Variants in SPATA13 observed in about 807,000 individuals in gnomAD.
The protein encoded by SPATA13 is spermatogenesis associated 13, also known as spermatogenesis-associated protein 13.
A neutral mutation model predicts 104.0 loss-of-function variants in SPATA13; 50 were observed. The observed-to-expected ratio is 0.48, with a 90% CI of 0.38 to 0.61. SPATA13 has a LOEUF of 0.61. Ranked by LOEUF, SPATA13 falls within the 20% of genes least tolerant of loss-of-function variation. The pLI is 0.00. For missense variants in SPATA13, 1,524 were observed against 1,690.6 expected (o/e 0.90, Z 1.73); for synonymous variants, 606 against 667.5 (o/e 0.91, Z 1.42).
intron 1 of SPATA13, among the ~76,000 whole-genome samples, chr13:24,177,380 A>G (rs1001560821): frequency 6.6e-6 from 1 of 152,212 alleles, no homozygotes; most frequent in Non-Finnish European, 1.5e-5. Flanking sequence ...GTGCCAGCAA[A>G]TTCACTGTCG....
intron 4 of SPATA13, chr13:24,271,016 C>G (rs1345878996): frequency 4.0e-6 from 3 of 750,454 alleles, no homozygotes; most frequent in Non-Finnish European, 7.1e-6. Flanking sequence ...TCTCCACTCT[C>G]TCTCACTCTC....
At chr13:24,091,995 C>T (rs1879926097) in intron 3 of SPATA13, among the ~76,000 whole-genome samples, 1 of 152,134 alleles carries the variant, frequency 6.6e-6, no homozygotes, top group South Asian at 2.1e-4. Flanking sequence ...GTTGAAATGC[C>T]ACAAAATCAC....
In SPATA13 at chr13:24,221,252, T is replaced by G. The variant is rs1362304810; in HGVS notation, c.-111-1567T>G. Reference sequence around the variant, plus strand: ...TGGTTGTCTGAAAAATGCAAGTCATTCTGTGACCTCTTAGGTTTCTGTGTG... The same window carrying G: ...TGGTTGTCTGAAAAATGCAAGTCATGCTGTGACCTCTTAGGTTTCTGTGTG... On this transcript the variant is annotated intron_variant, in intron 1 of 12. Coordinates refer to ENST00000382108, the MANE Select transcript of SPATA13 (RefSeq NM_001166271.3). Among the ~76,000 whole-genome samples, 6 of 152,308 alleles carry G rather than the reference T, an allele frequency of 3.9e-5. No individual in the cohort carries two copies. The East Asian group carries it at 7.7e-4, about 20-fold the overall frequency.
chr13:24,161,000 G>A, intron 1 of SPATA13, 68 bp downstream of exon 1: 1 of 928,858 alleles, frequency 1.1e-6, no homozygotes, highest in Non-Finnish European at 1.3e-6. Flanking sequence ...TAGAATATCG[G>A]GAGGATTTGA....
chr13:24,032,314 C>G (rs889253914), intron 3 of SPATA13, among the ~76,000 whole-genome samples: 1 of 152,206 alleles, frequency 6.6e-6, no homozygotes, highest in South Asian at 2.1e-4. Context: ...TATGGCAATA[C>G]CACATAGCAG....
At chr13:24,149,127 G>A (rs1454366628) in intron 3 of SPATA13, among the ~76,000 whole-genome samples, 3 of 152,210 alleles carry the variant, frequency 2.0e-5, no homozygotes, top group South Asian at 4.1e-4. Context: ...TGAAAGAGGC[G>A]TCCTGTCTGC....
chr13:24,028,905 C>G (rs1045430878), intron 3 of SPATA13, among the ~76,000 whole-genome samples: 1 of 151,890 alleles, frequency 6.6e-6, no homozygotes, highest in Non-Finnish European at 1.5e-5. Context: ...GCTTCAATTT[C>G]CCCTGTTTTT....
chr13:23,990,003 T>C (rs1429956748), intron 2 of SPATA13, among the ~76,000 whole-genome samples: 2 of 152,134 alleles, frequency 1.3e-5, no homozygotes, highest in Non-Finnish European at 2.9e-5. Flanking sequence ...ATATCTGTTG[T>C]TTATAAGCCA....
intron 2 of SPATA13, among the ~76,000 whole-genome samples, chr13:23,998,928 G>GT (rs10649768): frequency 1.1e-3 from 159 of 147,400 alleles, no homozygotes; most frequent in African/African-American, 1.5e-3. Context: ...ACTAACTTTG[G>GT]TTTTTTTTTT....
intron 4 of SPATA13, among the ~76,000 whole-genome samples, chr13:24,259,936 G>A (rs144939850): frequency 3.6e-4 from 55 of 152,238 alleles, no homozygotes; most frequent in African/African-American, 9.6e-4. Flanking sequence ...CACCACACCC[G>A]GCCTGAGTTG....
chr13:24,302,459 CAAAAAAAAAAAAAAAAAA>C, intron 12 of SPATA13, 121 bp from the exon 13 acceptor site: 3 of 192,758 alleles, frequency 1.6e-5, no homozygotes, highest in East Asian at 8.7e-5. Flanking sequence ...GACCCTGTCT[CAAAAAAAAAAAAAAAAAA>C]AAAAAAAAAA....
chr13:24,141,302 G>C (rs1346963802), intron 3 of SPATA13, among the ~76,000 whole-genome samples: 1 of 152,154 alleles, frequency 6.6e-6, no homozygotes, highest in African/African-American at 2.4e-5. Context: ...GCAACATAGT[G>C]AGACCCAGAT....
chr13:24,211,207 CTATT>C (rs1236255757), intron 1 of SPATA13, among the ~76,000 whole-genome samples: 1 of 152,130 alleles, frequency 6.6e-6, no homozygotes, highest in Non-Finnish European at 1.5e-5. Flanking sequence ...TTCAAACAGA[CTATT>C]TAACTTCTTC....
At chr13:24,142,189 C>T (rs1343457218) in intron 3 of SPATA13, among the ~76,000 whole-genome samples, 18 of 151,774 alleles carry the variant, frequency 1.2e-4, no homozygotes, top group Admixed American at 1.3e-4. Context: ...CCCCCTCCCC[C>T]GCCAATATTA....
intron 1 of SPATA13, among the ~76,000 whole-genome samples, chr13:24,197,070 A>T (rs578121127): frequency 1.4e-4 from 22 of 152,312 alleles, no homozygotes; most frequent in African/African-American, 4.8e-4. Context: ...AATAACAACC[A>T]GAGGGCACCT....
chr13:24,080,868 C>G (rs753088271), intron 3 of SPATA13, among the ~76,000 whole-genome samples: 4 of 152,166 alleles, frequency 2.6e-5, no homozygotes, highest in Non-Finnish European at 4.4e-5. Context: ...AAGAGTTAGG[C>G]AACTCTCTTG....
intron 3 of SPATA13, among the ~76,000 whole-genome samples, chr13:24,052,009 T>C (rs1878357840): frequency 6.6e-6 from 1 of 152,194 alleles, no homozygotes; most frequent in South Asian, 2.1e-4. Flanking sequence ...TGGCTTCCTC[T>C]GCGTGCACTG....
At chr13:24,294,182 G>A (rs1245944616) in intron 9 of SPATA13, among the ~76,000 whole-genome samples, 6 of 152,216 alleles carry the variant, frequency 3.9e-5, no homozygotes, top group Admixed American at 6.5e-5. Flanking sequence ...CGTGACTGTG[G>A]TGGACGGAAA....
At chr13:24,219,463 C>G (rs1298502820) in intron 1 of SPATA13, among the ~76,000 whole-genome samples, 1 of 152,216 alleles carries the variant, frequency 6.6e-6, no homozygotes. Flanking sequence ...CTTCTTCACT[C>G]TATAAAAACA....
Sources: gnomAD v4.1 joint callset for allele counts (sites outside exome capture counted in the v4.1 genomes callset) on GRCh38, gnomAD v4.1.1 for gene constraint, MANE v1.5 for transcripts, NCBI Gene and HGNC (gene_info 2026-07-23, HGNC 2026-07-21) for gene names.